UIMC1: variants seen among roughly 807,000 people sequenced by gnomAD.
UIMC1 encodes BRCA1-A complex subunit RAP80.
Under a neutral mutation model 84.9 loss-of-function variants are expected in UIMC1, and 42 were observed. That is an observed-to-expected ratio of 0.49 (90% CI 0.39 to 0.64). The LOEUF (loss-of-function observed/expected upper bound fraction) is 0.64, where lower values mean the gene tolerates loss of function less well. UIMC1 is among the 30% of genes least tolerant of loss of function. UIMC1 has a pLI of 0.00. For synonymous variants in UIMC1, 281 were observed against 293.0 expected (o/e 0.96, Z 0.42); for missense variants, 825 against 847.6 (o/e 0.97, Z 0.33).
chr5:176,908,845 C>T (rs1024816494), intron 11 of UIMC1, 151 bp from the exon 12 acceptor site: 37 of 758,316 alleles, frequency 4.9e-5, no homozygotes, highest in Admixed American at 2.1e-4. Context: ...AGCAGGATCA[C>T]CAATAAAACT....
intron 10 of UIMC1, among the ~76,000 whole-genome samples, chr5:176,930,560 A>C (rs998379621): frequency 6.6e-6 from 1 of 152,276 alleles, no homozygotes; most frequent in Non-Finnish European, 1.5e-5. Flanking sequence ...TGTTACTGGT[A>C]TATAGCAGGT....
chr5:176,973,388 A>T (rs1476268373), intron 3 of UIMC1, among the ~76,000 whole-genome samples: 1 of 152,116 alleles, frequency 6.6e-6, no homozygotes. Context: ...TGGTATTAAA[A>T]ATATCATGGG....
chr5:176,934,654 T>C (rs956176097), intron 10 of UIMC1, among the ~76,000 whole-genome samples: 1 of 152,362 alleles, frequency 6.6e-6, no homozygotes, highest in Admixed American at 6.5e-5. Flanking sequence ...TGACAGATAC[T>C]AACAGAATTT....
chr5:176,983,850 C>G (rs1205053720), intron 1 of UIMC1, among the ~76,000 whole-genome samples: 1 of 150,154 alleles, frequency 6.7e-6, no homozygotes, highest in African/African-American at 2.5e-5. Context: ...GCTGCCCCGT[C>G]TGGGAGGAAG....
upstream of UIMC1, among the ~76,000 whole-genome samples, chr5:177,007,836 G>A (rs971963038): frequency 9.2e-5 from 14 of 152,140 alleles, no homozygotes; most frequent in Non-Finnish European, 1.6e-4. Flanking sequence ...CAGGCGTGGT[G>A]GATCACGCCT....
rs781617082 is a variant in UIMC1, at chr5:176,955,843, G to GT, written c.1339+115dup. 122 of 900,456 alleles carry GT rather than the reference G, an allele frequency of 1.4e-4. 1 individual carries two copies. Among genetic ancestry groups the GT allele is most frequent in the South Asian group, 6.7e-4 (41 of 61,586 alleles). The allele number at this position is 900,456 out of a possible 1,614,324, so 55.8% of individuals were successfully genotyped here. A position where few individuals can be genotyped will look rare whatever the true frequency, so the allele number is the denominator to read the frequency against. ...CGAGTGTTGAGACATGTACATACAC[G>GT]TATCAATTACATACAAACCTCCAGA... On this transcript the variant is annotated intron_variant, in intron 8 of 14. Coordinates refer to ENST00000511320, the MANE Select transcript of UIMC1 (RefSeq NM_001199298.2).
upstream of UIMC1, among the ~76,000 whole-genome samples, chr5:177,009,260 C>T (rs1775493048): frequency 2.0e-5 from 3 of 151,962 alleles, no homozygotes; most frequent in African/African-American, 7.2e-5. This position sits in a 1 kb window ranked among gnomAD's most constrained non-coding sequence, Gnocchi z 4.3. Context: ...CCTTCCGCCT[C>T]AGCCTCCCAA....
chr5:176,954,292 G>C (rs1473066055), intron 8 of UIMC1, among the ~76,000 whole-genome samples: 4 of 152,182 alleles, frequency 2.6e-5, no homozygotes, highest in African/African-American at 4.8e-5. Flanking sequence ...GTCCCAGACA[G>C]AGGGGGAAAG....
intron 1 of UIMC1, among the ~76,000 whole-genome samples, chr5:177,013,037 T>G (rs1407616759): frequency 6.6e-6 from 1 of 151,120 alleles, no homozygotes; most frequent in Non-Finnish European, 1.5e-5. Flanking sequence ...GCTATGATCT[T>G]ACTATTGCAC....
intron 10 of UIMC1, among the ~76,000 whole-genome samples, chr5:176,915,733 C>T (rs748147581): frequency 1.4e-5 from 2 of 138,398 alleles, no homozygotes; most frequent in African/African-American, 2.7e-5. Context: ...GGATTACAGG[C>T]GTGAGCCACT....
At chr5:176,973,395 TG>T (rs1561857220) in intron 3 of UIMC1, among the ~76,000 whole-genome samples, 1 of 151,756 alleles carries the variant, frequency 6.6e-6, no homozygotes, top group East Asian at 1.9e-4. Context: ...AAAAATATCA[TG>T]GGGATGGCAG....
chr5:176,968,676 TC>T lies in UIMC1; in HGVS notation c.1078del (p.Glu360ArgfsTer25). 6.2e-7 allele frequency: 1 copy of T among 1,614,178 alleles called. No homozygotes were observed. Among genetic ancestry groups the T allele is most frequent in the Non-Finnish European group, 8.5e-7 (1 of 1,180,038 alleles). ...GTCAGATGCCCTAGACTCCTGCCTCTCCTCTTTGTCTTCATCTCCCATATCT... is the reference window on the plus strand; with the variant it reads ...GTCAGATGCCCTAGACTCCTGCCTCTCTCTTTGTCTTCATCTCCCATATCT... ...SEDMGDEDKEERQESRASDWH... is the reference protein window; with the variant it reads ...SEDMGDEDKEXRQESRASDWH... On this transcript the variant is annotated frameshift_variant, in exon 6 of 15. Transcript: ENST00000511320. LOFTEE classifies it high-confidence loss of function.
intron 10 of UIMC1, among the ~76,000 whole-genome samples, chr5:176,923,216 T>C (rs1357361960): frequency 6.6e-6 from 1 of 152,134 alleles, no homozygotes; most frequent in Non-Finnish European, 1.5e-5. Context: ...GAACAAGAGA[T>C]TGTCAGAATG....
At chr5:176,969,729 A>G in intron 4 of UIMC1, 23 bp from the exon 5 acceptor site, 1 of 1,605,130 alleles carries the variant, frequency 6.2e-7, no homozygotes, top group Non-Finnish European at 8.5e-7. Context: ...ATCCCATACC[A>G]GACCAGGTTT....
intron 10 of UIMC1, among the ~76,000 whole-genome samples, chr5:176,915,084 C>A (rs1434051731): frequency 1.3e-5 from 2 of 152,174 alleles, no homozygotes; most frequent in Middle Eastern, 6.3e-3. Flanking sequence ...GGAAACCACT[C>A]CACAGATAGG....
chr5:176,934,738 C>T (rs1348290164), intron 10 of UIMC1, among the ~76,000 whole-genome samples: 1 of 152,170 alleles, frequency 6.6e-6, no homozygotes, highest in Non-Finnish European at 1.5e-5. Context: ...GTGACTACAC[C>T]GTAAGTGGAC....
At chr5:176,976,217 G>A (rs530271124) in intron 2 of UIMC1, among the ~76,000 whole-genome samples, 8 of 152,062 alleles carry the variant, frequency 5.3e-5, no homozygotes, top group African/African-American at 1.7e-4. Context: ...CAGGAGGCTG[G>A]AGCAGATGGA....
chr5:177,020,358 T>C (rs1185042770), intron 1 of UIMC1, among the ~76,000 whole-genome samples: 3 of 152,262 alleles, frequency 2.0e-5, no homozygotes, highest in Admixed American at 6.5e-5. Context: ...GATGCCACCC[T>C]GATTAATGTT....
intron 10 of UIMC1, among the ~76,000 whole-genome samples, chr5:176,922,952 G>A (rs1761887013): frequency 6.6e-6 from 1 of 152,164 alleles, no homozygotes; most frequent in Non-Finnish European, 1.5e-5. Flanking sequence ...TGGCTTTTTT[G>A]CAGCAAAGAA....
Sources: gnomAD v4.1 joint callset for allele counts (sites outside exome capture counted in the v4.1 genomes callset) on GRCh38, gnomAD v4.1.1 for gene constraint, Gnocchi (gnomAD v3.1) non-coding constraint, MANE v1.5 for transcripts, NCBI Gene and HGNC (gene_info 2026-07-23, HGNC 2026-07-21) for gene names.